Variants in ATP2B2 observed in about 807,000 individuals in gnomAD.
ATP2B2 encodes ATPase plasma membrane Ca2+ transporting 2.
In ATP2B2, 15 loss-of-function variants were observed where a neutral mutation model predicts 120.0. The ratio of observed to expected loss-of-function variants is 0.12; its 90% confidence interval spans 0.08 to 0.19. ATP2B2 has a LOEUF of 0.19. Ranked by LOEUF, ATP2B2 falls within the 10% of genes least tolerant of loss-of-function variation. ATP2B2 has a pLI of 1.00. For missense variants in ATP2B2, 1,045 were observed against 1,719.8 expected, an observed-to-expected ratio of 0.61 and a Z score of 6.94; for synonymous variants, 694 against 700.3, an observed-to-expected ratio of 0.99 and a Z score of 0.14.
chr3:10,328,726 T>C lies in ATP2B2; in HGVS notation c.*88A>G. 1.5e-6 allele frequency: 2 copies of C among 1,356,080 alleles called. No homozygotes were observed. Among genetic ancestry groups the C allele is most frequent in the Non-Finnish European group, 2.0e-6 (2 of 996,024 alleles). The allele number at this position is 1,356,080 out of a possible 1,614,324, so 84.0% of individuals were successfully genotyped here. The stretch of plus-strand genomic sequence containing the variant: ...CGATTGTTGCTCGTTGCTGCTTGGG[T>C]GAGTTGGGTGCCTGGATGGATGGGT... On this transcript the variant is annotated 3_prime_UTR_variant, in exon 23 of 23. Transcript: ENST00000360273.
intron 1 of ATP2B2, among the ~76,000 whole-genome samples, chr3:10,693,720 C>A (rs1040453227): frequency 6.6e-6 from 1 of 152,206 alleles, no homozygotes; most frequent in Non-Finnish European, 1.5e-5. Context: ...CACTAGAATG[C>A]AAACTCCACG....
chr3:10,484,717 C>T (rs985476148), intron 1 of ATP2B2, among the ~76,000 whole-genome samples: 1 of 152,200 alleles, frequency 6.6e-6, no homozygotes, highest in Non-Finnish European at 1.5e-5. Context: ...GCGCAGTGCA[C>T]CAGTACATTG....
Position 10,342,749 on chromosome 3 carries a change from C to T in ATP2B2, c.2917+3G>A. On this transcript the variant is annotated splice_donor_region_variant and intron_variant, in intron 19 of 22. Coordinates refer to ENST00000360273, the MANE Select transcript of ATP2B2 (RefSeq NM_001001331.4). This position sits in a 1 kb window ranked among gnomAD's most constrained non-coding sequence, Gnocchi z 4.4. The stretch of plus-strand genomic sequence containing the variant: ...GAGAGGCGTGGGTGGGCGAGGCGCT[C>T]ACCAACAAAGAGCAGGGTGAAGATG... 1 of 1,614,070 alleles carries T rather than the reference C, an allele frequency of 6.2e-7. No individual in the cohort carries two copies. Among genetic ancestry groups the T allele is most frequent in the Non-Finnish European group, 8.5e-7 (1 of 1,180,008 alleles).
At chr3:10,392,871 A>G (rs757727009) in intron 5 of ATP2B2, among the ~76,000 whole-genome samples, 1 of 152,236 alleles carries the variant, frequency 6.6e-6, no homozygotes, top group Non-Finnish European at 1.5e-5. Context: ...TAGTGTCTTG[A>G]CACTGTCTAA....
intron 3 of ATP2B2, among the ~76,000 whole-genome samples, chr3:10,531,157 G>C (rs1274651724): frequency 2.6e-5 from 4 of 152,166 alleles, no homozygotes; most frequent in Non-Finnish European, 5.9e-5. Context: ...TCTGGCTCCA[G>C]AGAGAACAGG....
At chr3:10,401,987 G>T in intron 4 of ATP2B2, 104 bp downstream of exon 4, 1 of 1,575,658 alleles carries the variant, frequency 6.3e-7, no homozygotes, top group South Asian at 1.1e-5. Flanking sequence ...CAGCCTTCAG[G>T]AATGCATCCC....
chr3:10,635,023 A>G lies in ATP2B2; in HGVS notation c.-459-15062T>C, dbSNP rs1430875021. 6.6e-6 allele frequency among the ~76,000 whole-genome samples: 1 copy of G among 152,018 alleles called. No homozygotes were observed. Among genetic ancestry groups the G allele is most frequent in the African/African-American group, 2.4e-5 (1 of 41,370 alleles). ...GTATGGGATTGGTTGTTCCTACGTG[A>G]TAGAAGAAAGAGCCTTCCAACACTC... is the stretch of plus-strand genomic sequence containing the variant. On this transcript the variant is annotated intron_variant, in intron 1 of 21. Coordinates refer to the ATP2B2 transcript ENST00000646379. This position sits in a 1 kb window ranked among gnomAD's most constrained non-coding sequence, Gnocchi z 4.3.
At chr3:10,597,897 G>T (rs987785874) in intron 2 of ATP2B2, among the ~76,000 whole-genome samples, 2 of 152,166 alleles carry the variant, frequency 1.3e-5, no homozygotes, top group African/African-American at 4.8e-5. Flanking sequence ...CCCCTCAAAA[G>T]GACATGACAA....
rs112098821 is a variant in ATP2B2, at chr3:10,516,962, ATGTG to A, written c.-320+17073_-320+17076del. Among the ~76,000 whole-genome samples, 5 of 149,708 alleles carry A rather than the reference ATGTG, an allele frequency of 3.3e-5. No homozygotes were observed. In the East Asian group the frequency reaches 5.9e-4, roughly 18 times the overall value. ...GCTTGTTTAGATCTACAATTTTCAG[ATGTG>A]TGTGTGTGTGTGTGTGTGTTTCTTA... On this transcript the variant is annotated intron_variant, in intron 3 of 21. Transcript: ENST00000646379.
chr3:10,490,596 G>A (rs993513645), intron 1 of ATP2B2, among the ~76,000 whole-genome samples: 5 of 151,994 alleles, frequency 3.3e-5, no homozygotes, highest in African/African-American at 1.2e-4. Context: ...AGTTGGCCAG[G>A]TTGATCAGGC....
chr3:10,676,247 C>T (rs1266410484), intron 1 of ATP2B2, among the ~76,000 whole-genome samples: 1 of 152,180 alleles, frequency 6.6e-6, no homozygotes, highest in Non-Finnish European at 1.5e-5. Context: ...GTTTGGACCT[C>T]AGATCCAAGG....
chr3:10,624,900 G>C (rs1378078254), intron 1 of ATP2B2, among the ~76,000 whole-genome samples: 1 of 152,196 alleles, frequency 6.6e-6, no homozygotes, highest in South Asian at 2.1e-4. Context: ...ATGTGGGGGT[G>C]GGGGCTTGGT....
intron 1 of ATP2B2, among the ~76,000 whole-genome samples, chr3:10,653,380 T>C (rs935851091): frequency 3.3e-5 from 5 of 152,120 alleles, no homozygotes; most frequent in Admixed American, 2.6e-4. Context: ...ATTTGCTTTC[T>C]GAAGAGTCCA....
intron 14 of ATP2B2, among the ~76,000 whole-genome samples, chr3:10,358,283 T>A (rs2060797996): frequency 6.6e-6 from 1 of 152,192 alleles, no homozygotes; most frequent in Non-Finnish European, 1.5e-5. Context: ...ATTGGGTGTG[T>A]CCTTTGTAGG....
At chr3:10,490,122 T>C (rs2065878805) in intron 1 of ATP2B2, among the ~76,000 whole-genome samples, 2 of 152,220 alleles carry the variant, frequency 1.3e-5, no homozygotes, top group African/African-American at 4.8e-5. Context: ...AGGCCAGGGC[T>C]TCCCCTGGGC....
At chr3:10,538,662 G>A (rs993383163) in intron 2 of ATP2B2, among the ~76,000 whole-genome samples, 13 of 152,266 alleles carry the variant, frequency 8.5e-5, no homozygotes, top group Admixed American at 3.3e-4. Flanking sequence ...AAAGGCCTTC[G>A]ACAAAATTCA....
chr3:10,345,302 C>T (rs915106711), intron 18 of ATP2B2, 82 bp downstream of exon 18: 3 of 1,510,802 alleles, frequency 2.0e-6, no homozygotes, highest in African/African-American at 2.7e-5. Flanking sequence ...CAGGGACAAC[C>T]TGGAGTACCC....
intron 1 of ATP2B2, among the ~76,000 whole-genome samples, chr3:10,487,809 G>A (rs934673474): frequency 1.4e-4 from 21 of 152,162 alleles, no homozygotes; most frequent in African/African-American, 2.9e-4. Flanking sequence ...AACAGTACTC[G>A]CATCCTGTCA....
chr3:10,457,239 G>A lies in ATP2B2; in HGVS notation c.-319-7377C>T, dbSNP rs187880192. ...GTGTGGGTGTGTAGGGTGTATGGGC[G>A]TACAAGGCATATGTGGGTGCAGGGT... On this transcript the variant is annotated intron_variant, in intron 1 of 22. Transcript: ENST00000360273. 1.7e-3 allele frequency among the ~76,000 whole-genome samples: 260 copies of A among 152,076 alleles called. 2 individuals carry two copies. Among genetic ancestry groups the A allele is most frequent in the African/African-American group, 5.2e-3 (215 of 41,446 alleles).
Sources: allele counts gnomAD v4.1 joint callset (sites outside exome capture counted in the v4.1 genomes callset), GRCh38; gene constraint gnomAD v4.1.1; non-coding constraint Gnocchi (gnomAD v3.1); transcripts MANE v1.5; gene names NCBI Gene and HGNC (gene_info 2026-07-23, HGNC 2026-07-21).